The following KLB variants were observed in gnomAD, a reference collection of about 807,000 sequenced individuals.
KLB encodes the protein klotho beta.
KLB carries 44 observed loss-of-function variants against 88.4 expected under a neutral mutation model. The ratio of observed to expected loss-of-function variants is 0.50; its 90% CI spans 0.39 to 0.64. KLB has a LOEUF of 0.64. Among genes scored for constraint, KLB ranks in the 30% least tolerant of loss-of-function variants. The probability of loss-of-function intolerance (pLI) is 0.00; values close to 1 mark genes in which losing one functional copy is unlikely to be tolerated. For missense variants in KLB, 1,137 were observed against 1,304.8 expected, an observed-to-expected ratio of 0.87 and a Z score of 1.98; for synonymous variants, 548 against 513.4, an observed-to-expected ratio of 1.07 and a Z score of -0.91.
intron 1 of KLB, among the ~76,000 whole-genome samples, chr4:39,419,773 C>CA (rs35079093): frequency 0.011 from 778 of 71,220 alleles, 60 homozygotes; most frequent in Middle Eastern, 0.039. Flanking sequence ...AATTCCATCT[C>CA]AAAAAAAAAA....
At chr4:39,427,630 C>A (rs1743250492) in intron 1 of KLB, among the ~76,000 whole-genome samples, 1 of 152,122 alleles carries the variant, frequency 6.6e-6, no homozygotes, top group Admixed American at 6.6e-5. Context: ...ACATGTTCAG[C>A]CACGAGCCTT....
intron 3 of KLB, among the ~76,000 whole-genome samples, chr4:39,440,064 A>G (rs1294503506): frequency 6.6e-6 from 1 of 152,072 alleles, no homozygotes; most frequent in African/African-American, 2.4e-5. Flanking sequence ...TCGGCCTCCC[A>G]AAGTGCTGGG....
At chr4:39,438,115 G>A in intron 3 of KLB, 120 bp downstream of exon 3, 1 of 924,376 alleles carries the variant, frequency 1.1e-6, no homozygotes, top group Non-Finnish European at 1.6e-6. Flanking sequence ...TTGTATGGAG[G>A]TTATGAAGGA....
intron 3 of KLB, among the ~76,000 whole-genome samples, chr4:39,443,592 C>CAA (rs770812561): frequency 0.017 from 1,128 of 65,832 alleles, 25 homozygotes; most frequent in African/African-American, 0.059. Context: ...CCTGTCTCTA[C>CAA]AAAAAAAAAA....
chr4:39,412,249 A>G (rs1290829787), intron 1 of KLB, among the ~76,000 whole-genome samples: 1 of 152,152 alleles, frequency 6.6e-6, no homozygotes, highest in East Asian at 1.9e-4. Context: ...AAATATTATG[A>G]ACATTTACAT....
chr4:39,434,713 G>T lies in KLB; in HGVS notation c.1329G>T (p.Val443=), dbSNP rs1271431620. ...IYMMKNFLSQ[V]LQAIRLDEIR... The stretch of plus-strand genomic sequence containing the variant: ...TGATGAAGAATTTCCTCAGCCAGGT[G>T]CTTCAAGGTTGGTTGTACACTTGCT... Residue 443 remains valine, a synonymous_variant, in exon 2 of 5, where the codon GTG becomes GTT. Coordinates refer to ENST00000257408, the MANE Select transcript of KLB (RefSeq NM_175737.4). 1 of 1,610,584 alleles carries T rather than the reference G, an allele frequency of 6.2e-7. No homozygotes were observed. Among genetic ancestry groups the T allele is most frequent in the Non-Finnish European group, 8.5e-7 (1 of 1,178,586 alleles).
chr4:39,410,407 T>A (rs1012479514), intron 1 of KLB, among the ~76,000 whole-genome samples: 1 of 152,224 alleles, frequency 6.6e-6, no homozygotes, highest in Admixed American at 6.5e-5. Flanking sequence ...TTTTCAACTA[T>A]TGTGTTTTCC....
At position 39,448,654 on chromosome 4, in the gene KLB, C is replaced by A; in HGVS notation, c.3103C>A (p.Pro1035Thr). ...FWKAKNLQHI[P>T]LKKGKRVVS ...GAAAGCAAAAAACTTACAACACATA[C>A]CATTAAAGAAAGGCAAGAGAGTTGT... is the stretch of plus-strand genomic sequence containing the variant. Residue 1035 changes from proline to threonine, a missense_variant, in exon 5 of 5, where the codon CCA becomes ACA. Around this residue, in one of 4 missense-constraint regions of KLB, gnomAD observed 426 missense variants for 404.6 expected, o/e 1.05. Coordinates refer to ENST00000257408, the MANE Select transcript of KLB (RefSeq NM_175737.4). 2 of 1,611,990 alleles carry A rather than the reference C, an allele frequency of 1.2e-6. No individual in the cohort carries two copies. Among genetic ancestry groups the A allele is most frequent in the Non-Finnish European group, 8.5e-7 (1 of 1,179,796 alleles).
intron 3 of KLB, 79 bp downstream of exon 3, chr4:39,438,074 G>C: frequency 7.7e-7 from 1 of 1,298,842 alleles, no homozygotes; most frequent in Non-Finnish European, 1.1e-6. Flanking sequence ...ACAGCTAAGA[G>C]ATAGCTGTCA....
chr4:39,433,275 A>C (rs965843237), intron 1 of KLB, among the ~76,000 whole-genome samples: 2 of 152,070 alleles, frequency 1.3e-5, no homozygotes, highest in African/African-American at 4.8e-5. Context: ...TGAGTACGTG[A>C]ACTTCAAGCC....
chr4:39,413,743 TA>T (rs1186518475), intron 1 of KLB, among the ~76,000 whole-genome samples: 3 of 150,746 alleles, frequency 2.0e-5, no homozygotes, highest in African/African-American at 7.3e-5. Flanking sequence ...AAAAAATAAA[TA>T]AAATAAAATA....
At position 39,448,906 on chromosome 4, in the gene KLB, C is replaced by G; in HGVS notation, c.*220C>G. On this transcript the variant is annotated 3_prime_UTR_variant, in exon 5 of 5. Transcript: ENST00000257408. ...TGTAAACATAAAGGCTTCATCCTGA[C>G]AGTAAGCTATGAGGATTACATGCTA... is the stretch of plus-strand genomic sequence containing the variant. 1 of 516,488 alleles carries G rather than the reference C, an allele frequency of 1.9e-6. No individual in the cohort carries two copies. Among genetic ancestry groups the G allele is most frequent in the Non-Finnish European group, 3.4e-6 (1 of 292,336 alleles). The allele number at this position is 516,488 out of a possible 1,614,324, so 32.0% of individuals were successfully genotyped here.
chr4:39,429,364 T>C (rs1451199769), intron 1 of KLB, among the ~76,000 whole-genome samples: 1 of 152,190 alleles, frequency 6.6e-6, no homozygotes, highest in Non-Finnish European at 1.5e-5. Flanking sequence ...TTCATCTATT[T>C]CTAAAGTTGT....
Position 39,407,786 on chromosome 4 carries a change from C to CTG in KLB, c.825+13_825+14insGT, listed in dbSNP as rs1350125597. On this transcript the variant is annotated intron_variant, in intron 1 of 4. Transcript: ENST00000257408. The stretch of plus-strand genomic sequence containing the variant: ...ACAACTTGATCAAGGTACTGTACAG[C>CTG]TAGCTTCTTCTTATAGCTTCAGAAA... The CTG allele has an allele frequency of 7.0e-7, 1 of 1,418,530 alleles. No homozygotes were observed. Among genetic ancestry groups the CTG allele is most frequent in the Non-Finnish European group, 9.5e-7 (1 of 1,050,158 alleles). The allele number at this position is 1,418,530 out of a possible 1,614,324, so 87.9% of individuals were successfully genotyped here. A position where few individuals can be genotyped will look rare whatever the true frequency, so the allele number is the denominator to read the frequency against.
chr4:39,440,344 T>C (rs1213521971), intron 3 of KLB, among the ~76,000 whole-genome samples: 1 of 149,176 alleles, frequency 6.7e-6, no homozygotes, highest in African/African-American at 2.5e-5. Flanking sequence ...GGGGTTTCAC[T>C]TTGTTGACCA....
rs747559381 is a variant in KLB, at chr4:39,437,824, A to G, written c.1434A>G (p.Leu478=). ...ATGCTTACACCATCCGCCGAGGATTATTTTATGTGGATTTTAACAGTAAAC... is the reference window on the plus strand; with the variant it reads ...ATGCTTACACCATCCGCCGAGGATTGTTTTATGTGGATTTTAACAGTAAAC... The part of the protein sequence containing the change: ...WQDAYTIRRG[L]FYVDFNSKQK... Residue 478 remains leucine, a synonymous_variant, in exon 3 of 5, where the codon TTA becomes TTG. Transcript: ENST00000257408. 68 of 1,614,064 alleles carry G rather than the reference A, an allele frequency of 4.2e-5. 1 individual carries two copies. The highest frequency in any genetic ancestry group is 6.7e-5 in the African/African-American group (5 of 74,934).
At chr4:39,447,926 A>T (rs1301231535) in intron 4 of KLB, among the ~76,000 whole-genome samples, 1 of 152,234 alleles carries the variant, frequency 6.6e-6, no homozygotes, top group Non-Finnish European at 1.5e-5. Flanking sequence ...ACCAACTGTG[A>T]TTCCTGGGCT....
At chr4:39,426,413 T>TAAA (rs869183002) in intron 1 of KLB, among the ~76,000 whole-genome samples, 24 of 65,430 alleles carry the variant, frequency 3.7e-4, no homozygotes, top group African/African-American at 9.9e-4. Context: ...GACTCCTATC[T>TAAA]AAAAAAAAAA....
rs766135195 is a variant in KLB at position 39,448,560 on chromosome 4, C to T, written c.3009C>T (p.Cys1003=). 4 of 1,614,104 alleles carry T rather than the reference C, an allele frequency of 2.5e-6. No individual in the cohort carries two copies. In the African/African-American group the frequency reaches 5.3e-5, roughly 22 times the overall value. Residue 1003 remains cysteine, a synonymous_variant, in exon 5 of 5, where the codon TGC becomes TGT. Transcript: ENST00000257408. ...AACCACTGATATTCCTGGGTTGTTG[C>T]TTCTTCTCCACCCTGGTTCTACTCT... ...QKKPLIFLGC[C]FFSTLVLLLS... is the part of the protein sequence containing the mutation.
Sources: allele counts gnomAD v4.1 joint callset (sites outside exome capture counted in the v4.1 genomes callset), GRCh38; gene constraint gnomAD v4.1.1; regional missense constraint gnomAD v4.1.1; transcripts MANE v1.5; gene names NCBI Gene and HGNC (gene_info 2026-07-23, HGNC 2026-07-21).